The following POC1B variants were observed in gnomAD, a reference collection of about 807,000 sequenced individuals.
The protein encoded by POC1B is POC1 centriolar protein B.
POC1B carries 44 observed loss-of-function variants against 60.6 expected under a neutral mutation model. The ratio of observed to expected loss-of-function variants is 0.73; its 90% CI spans 0.57 to 0.93. The LOEUF is 0.93. Ranked by LOEUF, POC1B falls within the 40% of genes least tolerant of loss-of-function variation. POC1B has a pLI of 0.00. For missense variants in POC1B, 555 were observed against 572.3 expected (o/e 0.97, Z 0.31); for synonymous variants, 180 against 198.9 (o/e 0.90, Z 0.80).
At chr12:89,504,116 C>T (rs1450464421) in intron 2 of POC1B, among the ~76,000 whole-genome samples, 27 of 152,258 alleles carry the variant, frequency 1.8e-4, no homozygotes, top group Middle Eastern at 3.2e-3. Context: ...TACCCAACAG[C>T]TCATTGAGAA....
At chr12:89,453,884 C>T (rs1040925950) in intron 10 of POC1B, among the ~76,000 whole-genome samples, 4 of 152,060 alleles carry the variant, frequency 2.6e-5, no homozygotes, top group African/African-American at 9.7e-5. Flanking sequence ...TTTGTCAGCA[C>T]GTTAATATTT....
intron 2 of POC1B, among the ~76,000 whole-genome samples, chr12:89,512,166 A>C (rs1028991932): frequency 4.6e-5 from 7 of 152,248 alleles, no homozygotes; most frequent in African/African-American, 1.7e-4. Context: ...AGTAGTTTGT[A>C]CTATGCAAGC....
chr12:89,505,473 C>T (rs979701152), intron 2 of POC1B, among the ~76,000 whole-genome samples: 18 of 152,154 alleles, frequency 1.2e-4, no homozygotes, highest in African/African-American at 4.3e-4. Flanking sequence ...TGCATACCCA[C>T]TGTGTTAAAT....
intron 4 of POC1B, among the ~76,000 whole-genome samples, chr12:89,475,907 A>ATTTTTT (rs1246340648): frequency 1.9e-5 from 2 of 106,784 alleles, no homozygotes; most frequent in African/African-American, 8.2e-5. Flanking sequence ...GAATGAGGGA[A>ATTTTTT]TTCTTTTTTT....
At chr12:89,510,898 C>T (rs1870148791) in intron 2 of POC1B, among the ~76,000 whole-genome samples, 1 of 151,608 alleles carries the variant, frequency 6.6e-6, no homozygotes, top group Non-Finnish European at 1.5e-5. Flanking sequence ...GCTGGGACTA[C>T]AGGTGCCCAC....
chr12:89,428,196 A>C (rs1204985867), intron 10 of POC1B: 1 of 152,342 alleles, frequency 6.6e-6, no homozygotes, highest in Non-Finnish European at 1.5e-5. Context: ...ACAGGCTTTA[A>C]AAAACAAACC....
chr12:89,467,163 A>T (rs941838695), intron 8 of POC1B, among the ~76,000 whole-genome samples: 1 of 152,150 alleles, frequency 6.6e-6, no homozygotes, highest in Non-Finnish European at 1.5e-5. Context: ...TGGTTATCTT[A>T]AAATCCTCTT....
intron 4 of POC1B, among the ~76,000 whole-genome samples, chr12:89,476,697 A>AATAGATAG (rs754459068): frequency 5.2e-3 from 722 of 139,970 alleles, no homozygotes; most frequent in East Asian, 7.9e-3. Context: ...AGACTGTCTC[A>AATAGATAG]ATAGATAGAT....
rs112471332 is a variant in POC1B at position 89,502,447 on chromosome 12, A to G, written c.101-5105T>C. On this transcript the variant is annotated intron_variant, in intron 2 of 11. Transcript: ENST00000313546. ...ACTATCTCCAGGCAAAATATCGTCT[A>G]AAAGGAAGGCAAGAGAAAATATTGG... 2.2e-5 allele frequency: 27 copies of G among 1,250,084 alleles called. No homozygotes were observed. The African/African-American group carries it at 3.5e-4, about 16-fold the overall frequency. 77.4% of individuals were successfully genotyped at this position (1,250,084 alleles called of 1,614,324 possible).
intron 2 of POC1B, among the ~76,000 whole-genome samples, chr12:89,512,517 G>A (rs1036652515): frequency 1.3e-5 from 2 of 152,134 alleles, no homozygotes; most frequent in Admixed American, 1.3e-4. Flanking sequence ...CCAGTGCTTC[G>A]AGAGGCCAAG....
At position 89,525,161 on chromosome 12, in the gene POC1B, G is replaced by A; in HGVS notation, c.59C>T (p.Ala20Val). ...LERYFKGHKA[A>V]ITSLDLSPNG... ...GGGGCTGAGGTCCAAGGAGGTGATCGCAGCTTTGTGGCCTTTGAAATAACG... is the reference window on the plus strand; with the variant it reads ...GGGGCTGAGGTCCAAGGAGGTGATCACAGCTTTGTGGCCTTTGAAATAACG... Residue 20 changes from alanine to valine, a missense_variant, in exon 2 of 12, where the codon GCG (alanine) becomes GTG (valine). Ala to Val is a moderately conservative substitution (Grantham distance 64). Transcript: ENST00000313546. 6.2e-7 allele frequency: 1 copy of A among 1,613,894 alleles called. No individual in the cohort carries two copies. Among genetic ancestry groups the A allele is most frequent in the Non-Finnish European group, 8.5e-7 (1 of 1,179,822 alleles).
chr12:89,504,942 A>C (rs1185600027), intron 2 of POC1B, among the ~76,000 whole-genome samples: 1 of 151,984 alleles, frequency 6.6e-6, no homozygotes, highest in East Asian at 1.9e-4. Context: ...CCATCTCTAC[A>C]AAAAAAATAA....
chr12:89,502,400 G>A, intron 2 of POC1B: 1 of 1,525,306 alleles, frequency 6.6e-7, no homozygotes, highest in South Asian at 1.1e-5. Context: ...AGGCCATCAG[G>A]AGGATTCGTG....
intron 10 of POC1B, among the ~76,000 whole-genome samples, chr12:89,445,557 T>C (rs1234878524): frequency 6.6e-6 from 1 of 152,180 alleles, no homozygotes; most frequent in African/African-American, 2.4e-5. Flanking sequence ...TAGCCATATG[T>C]AGAAAGCTGA....
the POC1B span, among the ~76,000 whole-genome samples, chr12:89,410,299 C>T: frequency 2.0e-5 from 3 of 152,226 alleles, no homozygotes; most frequent in Admixed American, 6.5e-5. Context: ...ATTGACGGAA[C>T]GTCTCTCAAA....
chr12:89,448,170 T>C (rs7308306), intron 10 of POC1B, among the ~76,000 whole-genome samples: 79,421 of 151,878 alleles, frequency 0.52, 21,146 homozygotes, highest in African/African-American at 0.61. Flanking sequence ...ATGGGCATGG[T>C]GGTTCATGCC....
chr12:89,514,398 A>ATTTTTTTTTTT (rs1592641848), intron 2 of POC1B, among the ~76,000 whole-genome samples: 2 of 37,892 alleles, frequency 5.3e-5, no homozygotes, highest in Non-Finnish European at 1.1e-4. Flanking sequence ...AGTTTCATGT[A>ATTTTTTTTTTT]TTTCTTTTTT....
intron 2 of POC1B, chr12:89,524,900 C>T: frequency 1.4e-6 from 1 of 727,714 alleles, no homozygotes; most frequent in Non-Finnish European, 2.2e-6. Context: ...AGGCCCAGAC[C>T]GCTGGATAGG....
Position 89,471,644 on chromosome 12 carries a change from T to G in POC1B, c.646A>C (p.Arg216=), listed in dbSNP as rs1213839180. 1.2e-6 allele frequency: 2 copies of G among 1,612,208 alleles called. No homozygotes were observed. The highest frequency in any genetic ancestry group is 2.2e-5 in the East Asian group (1 of 44,704). ...TAATGCTGTAGTAATTTGTTCACTC[T>G]TACATCCCAGACTTTCACAGTTTGA... ...SDQTVKVWDV[R]VNKLLQHYQV... is the part of the protein sequence containing the mutation. Residue 216 remains arginine (R), a synonymous_variant, in exon 6 of 12, where the codon AGA becomes CGA. Coordinates refer to ENST00000313546, the MANE Select transcript of POC1B (RefSeq NM_172240.3).
Sources: allele counts gnomAD v4.1 joint callset (sites outside exome capture counted in the v4.1 genomes callset), GRCh38; gene constraint gnomAD v4.1.1; transcripts MANE v1.5; gene names NCBI Gene and HGNC (gene_info 2026-07-23, HGNC 2026-07-21).